Variants in MTUS1 observed in about 807,000 individuals in gnomAD.
MTUS1 encodes microtubule associated scaffold protein 1.
In MTUS1, 109 loss-of-function variants were observed where a neutral mutation model predicts 120.8. The observed-to-expected ratio is 0.90, with a 90% CI of 0.77 to 1.06. The LOEUF (loss-of-function observed/expected upper bound fraction) is 1.06, where lower values mean the gene tolerates loss of function less well. Ranked by LOEUF, MTUS1 falls within the 50% of genes least tolerant of loss-of-function variation. The probability of loss-of-function intolerance (pLI) is 0.00; values close to 1 mark genes in which losing one functional copy is unlikely to be tolerated. For synonymous variants in MTUS1, 737 were observed against 550.5 expected, an observed-to-expected ratio of 1.34 and a Z score of -4.74; for missense variants, 2,210 against 1,486.3, an observed-to-expected ratio of 1.49 and a Z score of -8.01.
At chr8:17,710,021 C>T (rs1409942969) in intron 6 of MTUS1, among the ~76,000 whole-genome samples, 2 of 151,430 alleles carry the variant, frequency 1.3e-5, no homozygotes, top group Admixed American at 6.6e-5. Context: ...AAAAAAAACA[C>T]CTTAATTTAA....
At chr8:17,711,357 T>C (rs1308894956) in intron 6 of MTUS1, among the ~76,000 whole-genome samples, 1 of 152,236 alleles carries the variant, frequency 6.6e-6, no homozygotes, top group Admixed American at 6.5e-5. Flanking sequence ...GATGACTCGC[T>C]GTAGCTTCTA....
intron 3 of MTUS1, among the ~76,000 whole-genome samples, chr8:17,726,710 T>C (rs1158519124): frequency 6.6e-6 from 1 of 152,210 alleles, no homozygotes; most frequent in Non-Finnish European, 1.5e-5. Context: ...AATTTATGGT[T>C]AGCCACCAGT....
At chr8:17,733,956 G>C (rs1056900893) in intron 3 of MTUS1, among the ~76,000 whole-genome samples, 13 of 152,124 alleles carry the variant, frequency 8.5e-5, no homozygotes, top group African/African-American at 2.2e-4. Context: ...ACCTATTTAA[G>C]AGTGTAACTC....
Position 17,743,728 on chromosome 8 carries a change from T to G in MTUS1, c.2163A>C (p.Gln721His), listed in dbSNP as rs964529015. 1 of 1,614,220 alleles carries G rather than the reference T, an allele frequency of 6.2e-7. No individual in the cohort carries two copies. The highest frequency in any genetic ancestry group is 8.5e-7 in the Non-Finnish European group (1 of 1,180,036). Residue 721 changes from glutamine to histidine, a missense_variant, in exon 3 of 15, where the codon CAA becomes CAC. By Grantham distance (24) the Gln-to-His change is conservative (BLOSUM62 0). Coordinates refer to ENST00000693296, the MANE Select transcript of MTUS1 (RefSeq NM_001363059.2). ...ISKPDSCGLR[Q>H]IAAPKAKVGP... is the part of the protein sequence containing the mutation. ...CCACTTTGGCTTTTGGAGCAGCTAT[T>G]TGCCTCAAACCGCAGGAGTCAGGCT... is the stretch of plus-strand genomic sequence containing the variant.
intron 7 of MTUS1, among the ~76,000 whole-genome samples, chr8:17,675,692 A>G (rs1402209520): frequency 6.6e-6 from 1 of 152,230 alleles, no homozygotes; most frequent in Non-Finnish European, 1.5e-5. Flanking sequence ...CACATAAAAA[A>G]GTTTCGTTAC....
At chr8:17,772,671 G>A (rs748487509) in intron 1 of MTUS1, among the ~76,000 whole-genome samples, 1 of 152,184 alleles carries the variant, frequency 6.6e-6, no homozygotes, top group Non-Finnish European at 1.5e-5. Context: ...ACCAGACAAA[G>A]TATGTTCAAC....
rs144594524 is a variant in MTUS1 at position 17,644,049 on chromosome 8, G to T, written c.*1877C>A. 2 of 152,156 alleles carry T rather than the reference G, an allele frequency of 1.3e-5. No homozygotes were observed. Among genetic ancestry groups the T allele is most frequent in the African/African-American group, 4.8e-5 (2 of 41,430 alleles). 9.4% of individuals were successfully genotyped at this position (152,156 alleles called of 1,614,324 possible). ...GCTATGAGATTTATTTGCCGGTCACGTAATACGGAGGACAGCAGGGAACAA... is the reference window on the plus strand; with the variant it reads ...GCTATGAGATTTATTTGCCGGTCACTTAATACGGAGGACAGCAGGGAACAA... On this transcript the variant is annotated 3_prime_UTR_variant, in exon 15 of 15. Transcript: ENST00000693296.
At chr8:17,776,214 A>T (rs1267929064) in intron 1 of MTUS1, among the ~76,000 whole-genome samples, 2 of 152,172 alleles carry the variant, frequency 1.3e-5, no homozygotes, top group Non-Finnish European at 2.9e-5. Flanking sequence ...CACTTACATT[A>T]GGTATTAAAA....
intron 3 of MTUS1, among the ~76,000 whole-genome samples, chr8:17,727,447 A>C (rs6586638): frequency 0.7 from 106,363 of 152,068 alleles, 37,534 homozygotes; most frequent in Middle Eastern, 0.84. Context: ...AGAGTTCAGA[A>C]TGGAGCTCTT....
At chr8:17,676,170 A>G (rs1563181876) in intron 7 of MTUS1, 2 of 683,950 alleles carry the variant, frequency 2.9e-6, no homozygotes, top group Non-Finnish European at 5.3e-6. Flanking sequence ...CGGCCTTTGC[A>G]GGCAAGAGTT....
chr8:17,709,934 G>A (rs546155009), intron 6 of MTUS1, among the ~76,000 whole-genome samples: 66 of 151,912 alleles, frequency 4.3e-4, no homozygotes, highest in Middle Eastern at 6.8e-3. Flanking sequence ...GTGAACCCGG[G>A]AGGCAGAGCT....
chr8:17,762,525 C>A (rs2049123287), intron 1 of MTUS1, among the ~76,000 whole-genome samples: 1 of 152,122 alleles, frequency 6.6e-6, no homozygotes, highest in Non-Finnish European at 1.5e-5. Context: ...TTTAACGGAG[C>A]ATGTCTACCA....
chr8:17,791,041 C>A (rs955139577), intron 1 of MTUS1, among the ~76,000 whole-genome samples: 1 of 152,160 alleles, frequency 6.6e-6, no homozygotes, highest in African/African-American at 2.4e-5. Context: ...ATCCTGGCAA[C>A]AGAAACTTAT....
At chr8:17,697,235 C>G (rs1400420425) in intron 6 of MTUS1, 5 of 1,595,222 alleles carry the variant, frequency 3.1e-6, no homozygotes, top group Non-Finnish European at 4.3e-6. Context: ...CAACACTAAA[C>G]AGAGATCTAT....
At chr8:17,731,815 T>C (rs1304314324) in intron 3 of MTUS1, among the ~76,000 whole-genome samples, 1 of 152,246 alleles carries the variant, frequency 6.6e-6, no homozygotes, top group Non-Finnish European at 1.5e-5. Flanking sequence ...ATTATTATTC[T>C]TTTATTTAAC....
chr8:17,792,731 G>C (rs941485445), intron 1 of MTUS1, among the ~76,000 whole-genome samples: 1 of 152,220 alleles, frequency 6.6e-6, no homozygotes, highest in Admixed American at 6.5e-5. Flanking sequence ...AGGCGCGGTG[G>C]CGCATACCTG....
intron 2 of MTUS1, among the ~76,000 whole-genome samples, chr8:17,744,390 C>T (rs767515229): frequency 1.3e-5 from 2 of 152,162 alleles, no homozygotes; most frequent in South Asian, 2.1e-4. Flanking sequence ...AACCGAGACA[C>T]TCCTTTCTAT....
At chr8:17,750,299 G>C (rs560106774) in intron 2 of MTUS1, among the ~76,000 whole-genome samples, 2 of 152,176 alleles carry the variant, frequency 1.3e-5, no homozygotes, top group South Asian at 4.1e-4. Context: ...AACTAACAAA[G>C]ATCTTCTGTC....
chr8:17,724,800 C>T (rs1430717625), intron 3 of MTUS1, among the ~76,000 whole-genome samples: 4 of 152,152 alleles, frequency 2.6e-5, no homozygotes, highest in Non-Finnish European at 5.9e-5. Context: ...CGGATGAATC[C>T]CATGTTCTCA....
Sources: allele counts gnomAD v4.1 joint callset (sites outside exome capture counted in the v4.1 genomes callset), GRCh38; gene constraint gnomAD v4.1.1; transcripts MANE v1.5; gene names NCBI Gene and HGNC (gene_info 2026-07-23, HGNC 2026-07-21).